The following CTNNA2 variants were observed in gnomAD, a reference collection of about 807,000 sequenced individuals.
CTNNA2 encodes the protein catenin alpha 2.
Under a neutral mutation model 101.0 loss-of-function variants are expected in CTNNA2, and 42 were observed. The observed-to-expected ratio is 0.42, with a 90% CI of 0.32 to 0.54. The LOEUF (loss-of-function observed/expected upper bound fraction) is 0.54. Among genes scored for constraint, CTNNA2 ranks in the 20% least tolerant of loss-of-function variants. The pLI is 0.14. For missense variants in CTNNA2, 871 were observed against 1,223.1 expected, an observed-to-expected ratio of 0.71 and a Z score of 4.29; for synonymous variants, 450 against 456.4, an observed-to-expected ratio of 0.99 and a Z score of 0.18.
At chr2:79,523,177 T>G (rs1672212367) in intron 1 of CTNNA2, 1 of 374,290 alleles carries the variant, frequency 2.7e-6, no homozygotes, top group Non-Finnish European at 5.3e-6. Context: ...TTTTTGGAAT[T>G]TAAGTATTCA....
chr2:79,482,702 C>T (rs1282169015), intron 4 of CTNNA2, among the ~76,000 whole-genome samples: 8 of 152,158 alleles, frequency 5.3e-5, no homozygotes, highest in Non-Finnish European at 1.0e-4. Flanking sequence ...GATTCACCAG[C>T]ATTCAGTCAG....
chr2:79,239,532 C>CA (rs1174053576), intron 2 of CTNNA2, among the ~76,000 whole-genome samples: 2 of 151,776 alleles, frequency 1.3e-5, no homozygotes, highest in South Asian at 2.1e-4. Flanking sequence ...AAAACAACAA[C>CA]AAAAAAAATT....
intron 7 of CTNNA2, among the ~76,000 whole-genome samples, chr2:80,049,914 C>T (rs1409316992): frequency 6.6e-6 from 1 of 152,130 alleles, no homozygotes; most frequent in East Asian, 1.9e-4. Flanking sequence ...TCCAGAATTG[C>T]CCCTCCCCTC....
chr2:80,236,318 T>A (rs1221551190), intron 7 of CTNNA2, among the ~76,000 whole-genome samples: 2 of 152,166 alleles, frequency 1.3e-5, no homozygotes, highest in African/African-American at 2.4e-5. Flanking sequence ...TTCCTCTGAG[T>A]ATATACCCAT....
At chr2:79,406,901 T>C (rs1175770771) in intron 4 of CTNNA2, among the ~76,000 whole-genome samples, 2 of 152,130 alleles carry the variant, frequency 1.3e-5, no homozygotes, top group East Asian at 3.9e-4. Context: ...TATATCGATA[T>C]CATGTTCCAT....
At chr2:79,685,511 C>T (rs775589645) in intron 2 of CTNNA2, among the ~76,000 whole-genome samples, 4 of 152,148 alleles carry the variant, frequency 2.6e-5, no homozygotes, top group Non-Finnish European at 5.9e-5. Context: ...CCTCAACATG[C>T]GACCCCCAAG....
chr2:80,185,934 A>T (rs1706098378), intron 7 of CTNNA2, among the ~76,000 whole-genome samples: 1 of 152,200 alleles, frequency 6.6e-6, no homozygotes, highest in Non-Finnish European at 1.5e-5. Context: ...TGGCAACATA[A>T]GCCATATAAG....
chr2:80,586,923 A>G (rs911198323), intron 14 of CTNNA2, among the ~76,000 whole-genome samples: 7 of 152,158 alleles, frequency 4.6e-5, no homozygotes, highest in Admixed American at 4.6e-4. Context: ...CAAATCAGAC[A>G]CCATAGGCAA....
At chr2:79,452,424 G>A (rs192792195) in intron 4 of CTNNA2, among the ~76,000 whole-genome samples, 12 of 151,274 alleles carry the variant, frequency 7.9e-5, no homozygotes, top group Non-Finnish European at 1.6e-4. Flanking sequence ...TTTTCATAGC[G>A]TTTCCTGCAA....
intron 3 of CTNNA2, among the ~76,000 whole-genome samples, chr2:79,795,910 A>G (rs1008757846): frequency 6.6e-6 from 1 of 152,182 alleles, no homozygotes; most frequent in African/African-American, 2.4e-5. Context: ...TAACAACACA[A>G]AAGAGTTCCT....
At chr2:79,638,649 GAC>G (rs997721941) in intron 1 of CTNNA2, among the ~76,000 whole-genome samples, 3 of 152,216 alleles carry the variant, frequency 2.0e-5, no homozygotes, top group Non-Finnish European at 2.9e-5. Context: ...GCCAGTCTAT[GAC>G]ACAGGAAACT....
chr2:80,339,191 A>ATG (rs1354329982), intron 7 of CTNNA2, among the ~76,000 whole-genome samples: 4 of 151,770 alleles, frequency 2.6e-5, no homozygotes, highest in Non-Finnish European at 5.9e-5. Context: ...GTGTGTGCAC[A>ATG]TGTGTGTGTG....
chr2:79,963,306 A>T (rs1291747065), intron 7 of CTNNA2, among the ~76,000 whole-genome samples: 1 of 152,176 alleles, frequency 6.6e-6, no homozygotes, highest in Non-Finnish European at 1.5e-5. Flanking sequence ...GATGAGTGTT[A>T]CACACATTCT....
intron 7 of CTNNA2, among the ~76,000 whole-genome samples, chr2:79,948,451 T>A (rs899339522): frequency 1.3e-5 from 2 of 152,216 alleles, no homozygotes; most frequent in African/African-American, 4.8e-5. Context: ...GGAATAATGA[T>A]AGTACCTACC....
At chr2:80,409,423 T>A (rs1178248128) in intron 8 of CTNNA2, among the ~76,000 whole-genome samples, 1 of 152,164 alleles carries the variant, frequency 6.6e-6, no homozygotes, top group Non-Finnish European at 1.5e-5. Context: ...AAGCACCATT[T>A]ATGAGGCCAG....
intron 7 of CTNNA2, among the ~76,000 whole-genome samples, chr2:80,221,892 G>T (rs1225907291): frequency 6.6e-6 from 1 of 152,178 alleles, no homozygotes; most frequent in African/African-American, 2.4e-5. Context: ...AATCATGCAG[G>T]TTTAATTGCC....
At chr2:79,978,205 G>A (rs966694068) in intron 7 of CTNNA2, among the ~76,000 whole-genome samples, 1 of 152,024 alleles carries the variant, frequency 6.6e-6, no homozygotes, top group African/African-American at 2.4e-5. Flanking sequence ...TAAGACATTC[G>A]GGCCATACAT....
chr2:80,646,219 G>T (rs768597535), intron 18 of CTNNA2, among the ~76,000 whole-genome samples: 2 of 152,056 alleles, frequency 1.3e-5, no homozygotes, highest in Non-Finnish European at 1.5e-5. Flanking sequence ...CCCCCAGAAG[G>T]CTTAATGCAG....
intron 7 of CTNNA2, among the ~76,000 whole-genome samples, chr2:80,206,030 T>C (rs1707510991): frequency 6.6e-6 from 1 of 152,238 alleles, no homozygotes; most frequent in African/African-American, 2.4e-5. Flanking sequence ...TTCAGCTTTC[T>C]TGTCATGGTA....
Sources: allele counts gnomAD v4.1 joint callset (sites outside exome capture counted in the v4.1 genomes callset), GRCh38; gene constraint gnomAD v4.1.1; transcripts MANE v1.5; gene names NCBI Gene and HGNC (gene_info 2026-07-23, HGNC 2026-07-21).